RHOBTB2: variants seen among roughly 807,000 people sequenced by gnomAD.
The protein encoded by RHOBTB2 is Rho related BTB domain containing 2.
RHOBTB2 carries 39 observed loss-of-function variants against 66.5 expected under a neutral mutation model. The ratio of observed to expected loss-of-function variants is 0.59; its 90% CI spans 0.45 to 0.77. RHOBTB2 has a LOEUF of 0.77. Among genes scored for constraint, RHOBTB2 ranks in the 30% least tolerant of loss-of-function variants. The probability of loss-of-function intolerance (pLI) is 0.00; values close to 1 mark genes in which losing one functional copy is unlikely to be tolerated. For synonymous variants in RHOBTB2, 390 were observed against 395.0 expected, an observed-to-expected ratio of 0.99 and a Z score of 0.15; for missense variants, 755 against 999.1, an observed-to-expected ratio of 0.76 and a Z score of 3.29.
chr8:22,967,788 AGATG>A, the RHOBTB2 span, among the ~76,000 whole-genome samples: 1 of 151,970 alleles, frequency 6.6e-6, no homozygotes, highest in African/African-American at 2.4e-5. Flanking sequence ...AAAGTTCTGG[AGATG>A]GATGGTGGGG....
chr8:22,986,116 G>A (rs376532830), upstream of RHOBTB2, among the ~76,000 whole-genome samples: 5 of 151,346 alleles, frequency 3.3e-5, no homozygotes, highest in East Asian at 3.9e-4. Context: ...ACCCATGGGA[G>A]GGAACACTGC....
chr8:22,970,401 T>C, the RHOBTB2 span, among the ~76,000 whole-genome samples: 1 of 152,180 alleles, frequency 6.6e-6, no homozygotes, highest in African/African-American at 2.4e-5. Context: ...TTGGCCATTA[T>C]GTTTCAACAT....
intron 6 of RHOBTB2, among the ~76,000 whole-genome samples, chr8:23,008,671 G>A (rs1811045372): frequency 6.6e-6 from 1 of 152,156 alleles, no homozygotes; most frequent in Non-Finnish European, 1.5e-5. Context: ...CCATGGCTGG[G>A]GTCACATGGG....
intron 2 of RHOBTB2, among the ~76,000 whole-genome samples, chr8:22,993,222 C>T (rs972555957): frequency 1.1e-4 from 17 of 152,000 alleles, no homozygotes; most frequent in Admixed American, 6.5e-4. Flanking sequence ...TACGGTGGTA[C>T]GATCATAGTG....
Position 23,010,504 on chromosome 8 carries a change from C to T in RHOBTB2, c.1621-34C>T, listed in dbSNP as rs561379080. On this transcript the variant is annotated intron_variant, in intron 6 of 9. Coordinates refer to ENST00000251822, the MANE Select transcript of RHOBTB2 (RefSeq NM_015178.3). ...CAGTTCATCTTCTCCTAAGCAGGAT[C>T]TCATTGCTGTCCGCTCACTCCTTCC... 943 of 1,598,698 alleles carry T rather than the reference C, an allele frequency of 5.9e-4. 20 individuals are homozygous for T. In the South Asian group the frequency reaches 0.01, roughly 17 times the overall value.
chr8:22,955,715 G>C, the RHOBTB2 span, among the ~76,000 whole-genome samples: 1 of 151,848 alleles, frequency 6.6e-6, no homozygotes, highest in Non-Finnish European at 1.5e-5. Context: ...GACTACAGGT[G>C]TGCACCACCA....
intron 1 of RHOBTB2, among the ~76,000 whole-genome samples, chr8:22,989,737 G>A (rs1481221272): frequency 6.6e-6 from 1 of 152,224 alleles, no homozygotes; most frequent in African/African-American, 2.4e-5. Flanking sequence ...GTGACTTTGC[G>A]TAGGCCTCAG....
At chr8:22,975,856 G>A in the RHOBTB2 span, among the ~76,000 whole-genome samples, 2 of 151,898 alleles carry the variant, frequency 1.3e-5, no homozygotes, top group African/African-American at 4.8e-5. Flanking sequence ...TCTCTCTAAA[G>A]ACCACTGGGG....
At chr8:22,999,457 G>C (rs1412396481), upstream of RHOBTB2, 6 of 673,656 alleles carry the variant, frequency 8.9e-6, no homozygotes, top group Non-Finnish European at 1.1e-5. Context: ...GCTGCGAGGC[G>C]GGATCTGCGG....
chr8:22,958,098 T>A, the RHOBTB2 span, among the ~76,000 whole-genome samples: 1 of 152,224 alleles, frequency 6.6e-6, no homozygotes. Context: ...TGGCTTTCAA[T>A]ATTTAACTTT....
Position 23,007,342 on chromosome 8 carries a change from C to T in RHOBTB2, c.1097C>T (p.Thr366Ile). 6.2e-7 allele frequency: 1 copy of T among 1,613,672 alleles called. No individual in the cohort carries two copies. The highest frequency in any genetic ancestry group is 8.5e-7 in the Non-Finnish European group (1 of 1,179,762). Residue 366 changes from threonine (T) to isoleucine (I), a missense_variant, in exon 5 of 10, where the codon ACC becomes ATC. By Grantham distance (89) the Thr-to-Ile change is moderately conservative (BLOSUM62 -1). This residue lies in a region of RHOBTB2 where 247 missense variants were observed against 238.9 expected (regional missense o/e 1.03). Coordinates refer to ENST00000251822, the MANE Select transcript of RHOBTB2 (RefSeq NM_015178.3). Reference protein sequence around the residue: ...GSGPAGLRASTSDGILRGNGT... With the variant: ...GSGPAGLRASISDGILRGNGT... ...GGTCCTGCTGGCCTCCGTGCTTCCACCAGCGACGGGATCTTACGGGGCAAC... is the reference window on the plus strand; with the variant it reads ...GGTCCTGCTGGCCTCCGTGCTTCCATCAGCGACGGGATCTTACGGGGCAAC...
At chr8:22,994,674 C>T, upstream of RHOBTB2, 1 of 1,511,634 alleles carries the variant, frequency 6.6e-7, no homozygotes, top group East Asian at 2.5e-5. Flanking sequence ...TCTCCCTTCC[C>T]AAACATTGAT....
chr8:23,010,543 G>A lies in RHOBTB2; in HGVS notation c.1626G>A (p.Val542=). The A allele has an allele frequency of 6.2e-7, 1 of 1,612,780 alleles. No homozygotes were observed. The highest frequency in any genetic ancestry group is 8.5e-7 in the Non-Finnish European group (1 of 1,179,260). The change falls in exon 7 of 10, where the codon GTG becomes GTA. Residue 542 remains valine (V), a synonymous_variant. Coordinates refer to ENST00000251822, the MANE Select transcript of RHOBTB2 (RefSeq NM_015178.3). ...PFVESSTREV[V]FPYTSKSCMR... ...CTCACTCCTTCCCTCCCCAGGTGGT[G>A]TTTCCCTACACAAGCAAGAGCTGCA...
chr8:22,968,782 C>T, the RHOBTB2 span, among the ~76,000 whole-genome samples: 1 of 56,816 alleles, frequency 1.8e-5, no homozygotes, highest in South Asian at 4.3e-4. Flanking sequence ...GGACAACTGA[C>T]TATTAATAAA....
upstream of RHOBTB2, chr8:22,994,753 C>A (rs1211602512): frequency 9.3e-6 from 7 of 753,434 alleles, no homozygotes; most frequent in Admixed American, 2.5e-5. Context: ...AAGCACTAGA[C>A]CAACATAAAA....
In RHOBTB2 at chr8:23,004,341, C is replaced by A; in HGVS notation, c.-10-84C>A. ...GGGGCTTGCAGAGGGGGCAGCCTGG[C>A]TGAGGAGAGCTGCGGGTGCTGGCCC... On this transcript the variant is annotated intron_variant, in intron 1 of 9. Coordinates refer to ENST00000251822, the MANE Select transcript of RHOBTB2 (RefSeq NM_015178.3). The surrounding 1 kb of genome is among the most constrained non-coding windows in gnomAD (Gnocchi z 6.4). The A allele has an allele frequency of 8.4e-7, 1 of 1,191,368 alleles. No individual in the cohort carries two copies. The highest frequency in any genetic ancestry group is 1.2e-6 in the Non-Finnish European group (1 of 807,514). The allele number at this position is 1,191,368 out of a possible 1,614,324, so 73.8% of individuals were successfully genotyped here. A position where few individuals can be genotyped will look rare whatever the true frequency, so the allele number is the denominator to read the frequency against.
chr8:22,980,878 C>A, the RHOBTB2 span, among the ~76,000 whole-genome samples: 1 of 152,222 alleles, frequency 6.6e-6, no homozygotes, highest in African/African-American at 2.4e-5. Context: ...GCACCTCACC[C>A]CATAGCCGTG....
the RHOBTB2 span, among the ~76,000 whole-genome samples, chr8:22,953,182 A>C: frequency 1.7e-3 from 264 of 152,236 alleles, no homozygotes; most frequent in African/African-American, 6.2e-3. Context: ...TTCCCTTACC[A>C]ATTGAGTGTT....
At chr8:23,007,896 G>A (rs1056898437) in intron 5 of RHOBTB2, 97 bp from the exon 6 acceptor site, 53 of 1,484,610 alleles carry the variant, frequency 3.6e-5, no homozygotes, top group African/African-American at 9.8e-5. Context: ...TCCGTGCCCC[G>A]AATCTTCTGG....
Sources: gnomAD v4.1 joint callset for allele counts (sites outside exome capture counted in the v4.1 genomes callset) on GRCh38, gnomAD v4.1.1 for gene constraint, gnomAD v4.1.1 regional missense constraint, Gnocchi (gnomAD v3.1) non-coding constraint, MANE v1.5 for transcripts, NCBI Gene and HGNC (gene_info 2026-07-23, HGNC 2026-07-21) for gene names.